SLC2A13: variants seen among roughly 807,000 people sequenced by gnomAD.
SLC2A13 encodes proton myo-inositol cotransporter.
A neutral mutation model predicts 64.4 loss-of-function variants in SLC2A13; 32 were observed. That is an observed-to-expected ratio of 0.50 (90% CI 0.37 to 0.67). The LOEUF (loss-of-function observed/expected upper bound fraction) is 0.67, where lower values mean the gene tolerates loss of function less well. SLC2A13 is among the 30% of genes least tolerant of loss of function. The pLI, the probability that SLC2A13 is intolerant of heterozygous loss-of-function variation, is 0.00. For missense variants in SLC2A13, 743 were observed against 829.2 expected (o/e 0.90, Z 1.28); for synonymous variants, 338 against 327.1 (o/e 1.03, Z -0.36).
intron 5 of SLC2A13, 24 bp from the exon 6 acceptor site, chr12:39,864,906 TAGAGA>T (rs1208913422): frequency 1.3e-6 from 2 of 1,596,414 alleles, no homozygotes; most frequent in East Asian, 4.5e-5. Context: ...AGTTTTATAT[TAGAGA>T]AGAGTTGACA....
chr12:39,872,706 A>T (rs1566890093), intron 4 of SLC2A13, among the ~76,000 whole-genome samples: 2 of 152,198 alleles, frequency 1.3e-5, no homozygotes, highest in Non-Finnish European at 2.9e-5. Context: ...ATCACAAGAC[A>T]TTTCTTTTCT....
chr12:39,985,205 T>A (rs1478048764), intron 3 of SLC2A13, among the ~76,000 whole-genome samples: 1 of 152,126 alleles, frequency 6.6e-6, no homozygotes, highest in East Asian at 1.9e-4. Context: ...CAATTTTGTC[T>A]CTCTTCCCAG....
chr12:39,817,606 CA>C (rs1416010031), intron 7 of SLC2A13, among the ~76,000 whole-genome samples: 1 of 152,132 alleles, frequency 6.6e-6, no homozygotes, highest in African/African-American at 2.4e-5. Context: ...CAGAATGCTT[CA>C]TCTATATTCA....
intron 1 of SLC2A13, among the ~76,000 whole-genome samples, chr12:40,076,714 G>A (rs558981998): frequency 6.6e-6 from 1 of 152,250 alleles, no homozygotes; most frequent in South Asian, 2.1e-4. Flanking sequence ...TTTACATTGA[G>A]AAATCACCAC....
At chr12:39,890,896 C>A (rs1008255498) in intron 4 of SLC2A13, among the ~76,000 whole-genome samples, 4 of 151,954 alleles carry the variant, frequency 2.6e-5, no homozygotes, top group Non-Finnish European at 5.9e-5. Context: ...AAAAACCTTA[C>A]AAAGTGGTAC....
intron 7 of SLC2A13, among the ~76,000 whole-genome samples, chr12:39,803,204 C>CAA (rs369226817): frequency 0.29 from 20,955 of 73,320 alleles, 1,842 homozygotes; most frequent in South Asian, 0.42. Flanking sequence ...GAAGCAAATG[C>CAA]AAAAAAAAAA....
At chr12:39,783,369 T>C (rs975880717) in intron 7 of SLC2A13, among the ~76,000 whole-genome samples, 1 of 152,310 alleles carries the variant, frequency 6.6e-6, no homozygotes, top group East Asian at 1.9e-4. Context: ...GATTTATAAT[T>C]CTTTGGGTAT....
At chr12:39,928,379 C>T (rs945176665) in intron 4 of SLC2A13, among the ~76,000 whole-genome samples, 7 of 152,100 alleles carry the variant, frequency 4.6e-5, no homozygotes. Context: ...GCCAACCCTC[C>T]AATCAGGCTC....
intron 4 of SLC2A13, among the ~76,000 whole-genome samples, chr12:39,893,953 G>A (rs1294775111): frequency 6.6e-6 from 1 of 152,132 alleles, no homozygotes; most frequent in Non-Finnish European, 1.5e-5. Flanking sequence ...GTGTTAGTAG[G>A]AAGTAACACA....
At chr12:39,844,033 G>C (rs775558012) in intron 6 of SLC2A13, among the ~76,000 whole-genome samples, 3 of 151,964 alleles carry the variant, frequency 2.0e-5, no homozygotes, top group Non-Finnish European at 4.4e-5. Flanking sequence ...AATAAGGTAA[G>C]AACACAGTTT....
intron 3 of SLC2A13, among the ~76,000 whole-genome samples, chr12:39,976,719 C>T (rs549416331): frequency 6.6e-6 from 1 of 152,176 alleles, no homozygotes. Context: ...TTTTAATCAT[C>T]AGTATGTCAT....
intron 7 of SLC2A13, among the ~76,000 whole-genome samples, chr12:39,790,780 C>T (rs1383271573): frequency 1.7e-5 from 1 of 60,604 alleles, no homozygotes; most frequent in African/African-American, 6.4e-5. Context: ...TTCTAGATCC[C>T]TGAGGAATCG....
rs552130195 is a variant in SLC2A13 at position 40,096,589 on chromosome 12, CAT to C, written c.556+8662_556+8663del. Among the ~76,000 whole-genome samples the C allele has an allele frequency of 3.8e-4, 58 of 151,974 alleles. No homozygotes were observed. The East Asian group carries it at 0.01, about 27-fold the overall frequency. The stretch of plus-strand genomic sequence containing the variant: ...AATTTCATTTACATTATTTTAAATT[CAT>C]ATTCCTATTTCCTCTTCTCAGTTAC... On this transcript the variant is annotated intron_variant, in intron 1 of 9. Coordinates refer to ENST00000280871, the MANE Select transcript of SLC2A13 (RefSeq NM_052885.4).
intron 6 of SLC2A13, among the ~76,000 whole-genome samples, chr12:39,842,057 A>C (rs551713262): frequency 1.3e-5 from 2 of 152,110 alleles, no homozygotes; most frequent in African/African-American, 2.4e-5. Flanking sequence ...TCAGATTTAC[A>C]GAGGTTCAAC....
At chr12:40,077,828 T>C (rs1315256695) in intron 1 of SLC2A13, among the ~76,000 whole-genome samples, 3 of 152,134 alleles carry the variant, frequency 2.0e-5, no homozygotes, top group Admixed American at 1.3e-4. Flanking sequence ...CAACTTCCTT[T>C]AGCAGTGTGT....
At chr12:40,054,223 G>A (rs1269598364) in intron 1 of SLC2A13, among the ~76,000 whole-genome samples, 1 of 152,138 alleles carries the variant, frequency 6.6e-6, no homozygotes, top group Non-Finnish European at 1.5e-5. Context: ...GATGATTTGA[G>A]ATCTTCAAAA....
At chr12:39,847,407 T>G (rs1338018916) in intron 6 of SLC2A13, among the ~76,000 whole-genome samples, 1 of 152,070 alleles carries the variant, frequency 6.6e-6, no homozygotes, top group Non-Finnish European at 1.5e-5. Flanking sequence ...ACATTACAAC[T>G]AGATATGGCC....
intron 6 of SLC2A13, among the ~76,000 whole-genome samples, chr12:39,830,921 T>A (rs561101544): frequency 6.6e-6 from 1 of 152,286 alleles, no homozygotes; most frequent in South Asian, 2.1e-4. Flanking sequence ...AAAGTCATAA[T>A]CAGTTACTCA....
At chr12:40,104,591 T>A (rs1369270615) in intron 1 of SLC2A13, among the ~76,000 whole-genome samples, 1 of 151,920 alleles carries the variant, frequency 6.6e-6, no homozygotes. Context: ...TAAAAAAGGA[T>A]TCAAATGAAA....
Sources: gnomAD v4.1 joint callset for allele counts (sites outside exome capture counted in the v4.1 genomes callset) on GRCh38, gnomAD v4.1.1 for gene constraint, MANE v1.5 for transcripts, NCBI Gene and HGNC (gene_info 2026-07-23, HGNC 2026-07-21) for gene names.